Variants in CDC42BPA observed in about 807,000 individuals in gnomAD.
CDC42BPA encodes the protein serine/threonine-protein kinase MRCK alpha.
In CDC42BPA, 80 loss-of-function variants were observed where a neutral mutation model predicts 223.5. That is an observed-to-expected ratio of 0.36 (90% CI 0.30 to 0.43). CDC42BPA has a LOEUF of 0.43. Ranked by LOEUF, CDC42BPA falls within the 20% of genes least tolerant of loss-of-function variation. The pLI, the probability that CDC42BPA is intolerant of heterozygous loss-of-function variation, is 1.00. For synonymous variants in CDC42BPA, 694 were observed against 718.6 expected, an observed-to-expected ratio of 0.97 and a Z score of 0.55; for missense variants, 1,743 against 2,099.9, an observed-to-expected ratio of 0.83 and a Z score of 3.32.
intron 20 of CDC42BPA, among the ~76,000 whole-genome samples, chr1:227,070,436 T>G (rs1378644839): frequency 2.0e-5 from 3 of 151,800 alleles, no homozygotes; most frequent in Admixed American, 2.0e-4. Context: ...GGCATTAACT[T>G]TAAATGCACA....
At chr1:227,180,612 ATATCAGTTGG>A (rs1283910381) in intron 5 of CDC42BPA, 6 of 152,310 alleles carry the variant, frequency 3.9e-5, no homozygotes, top group African/African-American at 1.4e-4. Context: ...AGGACACACA[ATATCAGTTGG>A]TAACATTTTG....
chr1:227,153,455 CTT>C (rs1371089702), intron 6 of CDC42BPA, among the ~76,000 whole-genome samples: 1 of 151,720 alleles, frequency 6.6e-6, no homozygotes, highest in African/African-American at 2.4e-5. Flanking sequence ...AGAATTCTAA[CTT>C]AAGTTGGAAA....
chr1:226,994,113 AGTC>A lies in CDC42BPA; in HGVS notation c.*152_*154del. 1 of 603,404 alleles carries A rather than the reference AGTC, an allele frequency of 1.7e-6. No individual in the cohort carries two copies. The highest frequency in any genetic ancestry group is 2.9e-6 in the Non-Finnish European group (1 of 350,164). 37.4% of individuals were successfully genotyped at this position (603,404 alleles called of 1,614,324 possible). A position where few individuals can be genotyped will look rare whatever the true frequency, so the allele number is the denominator to read the frequency against. On this transcript the variant is annotated 3_prime_UTR_variant, in exon 37 of 37. Coordinates refer to ENST00000366766, the MANE Select transcript of CDC42BPA (RefSeq NM_001394014.1). The surrounding 1 kb of genome is among the most constrained non-coding windows in gnomAD (Gnocchi z 4.0). ...GTTAGGCTGGGGGCGTGGATCTGAG[AGTC>A]GTGTCGTCAGAACTCCTGAATCCCT...
chr1:227,270,562 AATTTT>A, intron 1 of CDC42BPA, among the ~76,000 whole-genome samples: 1 of 152,332 alleles, frequency 6.6e-6, no homozygotes, highest in Non-Finnish European at 1.5e-5. Flanking sequence ...GAGTTGTTTG[AATTTT>A]ATTTTGTGGA....
chr1:227,300,210 G>A (rs1691377510), intron 1 of CDC42BPA, among the ~76,000 whole-genome samples: 1 of 152,176 alleles, frequency 6.6e-6, no homozygotes, highest in Non-Finnish European at 1.5e-5. Flanking sequence ...CTTATAGACT[G>A]CTACTGGGAA....
intron 2 of CDC42BPA, among the ~76,000 whole-genome samples, chr1:227,238,610 A>G (rs1286764501): frequency 2.0e-5 from 3 of 152,188 alleles, no homozygotes; most frequent in Admixed American, 6.5e-5. Flanking sequence ...CCCACAGTCT[A>G]AACAGTCCAC....
chr1:227,058,081 A>C (rs973442862), intron 21 of CDC42BPA, among the ~76,000 whole-genome samples: 3 of 152,202 alleles, frequency 2.0e-5, no homozygotes, highest in African/African-American at 7.2e-5. Context: ...ATTCAGATTC[A>C]TTTGATAAAT....
At chr1:227,258,387 A>G (rs560877045) in intron 1 of CDC42BPA, among the ~76,000 whole-genome samples, 5 of 151,010 alleles carry the variant, frequency 3.3e-5, no homozygotes, top group Non-Finnish European at 5.9e-5. Context: ...CACTTCAGGT[A>G]AATTATACCT....
intron 15 of CDC42BPA, among the ~76,000 whole-genome samples, chr1:227,092,344 A>C (rs1276975646): frequency 6.6e-6 from 1 of 152,230 alleles, no homozygotes; most frequent in Non-Finnish European, 1.5e-5. Context: ...AATTTCAGAT[A>C]ATAAGTTCTA....
At chr1:227,039,941 T>C (rs1216588479) in intron 24 of CDC42BPA, among the ~76,000 whole-genome samples, 190 bp downstream of exon 24, 1 of 152,220 alleles carries the variant, frequency 6.6e-6, no homozygotes, top group South Asian at 2.1e-4. Flanking sequence ...CATATTTAAA[T>C]ATATTGCCCC....
chr1:227,278,541 C>G (rs1687499739), intron 1 of CDC42BPA, among the ~76,000 whole-genome samples: 1 of 152,156 alleles, frequency 6.6e-6, no homozygotes, highest in African/African-American at 2.4e-5. Flanking sequence ...CCTTTTGTTT[C>G]TTGCATGGGA....
chr1:227,011,027 C>T (rs574416647), intron 34 of CDC42BPA: 40 of 1,357,180 alleles, frequency 2.9e-5, no homozygotes, highest in South Asian at 2.7e-4. Flanking sequence ...GAGATCAGAC[C>T]GGAGTGATGA....
rs143820954 is a variant in CDC42BPA, at chr1:227,127,858, C to T, written c.1513+1251G>A. On this transcript the variant is annotated intron_variant, in intron 11 of 36. Transcript: ENST00000366766. Reference sequence around the variant, plus strand: ...TAAATAGTCATTTTTATAAAAGATGCTACATTAGATTATTTCTTCTCTTTC... The same window carrying T: ...TAAATAGTCATTTTTATAAAAGATGTTACATTAGATTATTTCTTCTCTTTC... Among the ~76,000 whole-genome samples, 916 of 152,148 alleles carry T rather than the reference C, an allele frequency of 6.0e-3. 10 individuals carry two copies. Among genetic ancestry groups the T allele is most frequent in the African/African-American group, 0.021 (857 of 41,486 alleles).
intron 13 of CDC42BPA, 32 bp from the exon 14 acceptor site, chr1:227,112,454 C>A (rs368009867): frequency 1.9e-5 from 28 of 1,462,116 alleles, no homozygotes; most frequent in African/African-American, 1.6e-4. Context: ...GCAGATTTCA[C>A]GGTTATAATT....
At chr1:227,315,316 A>C (rs1694191341) in intron 1 of CDC42BPA, among the ~76,000 whole-genome samples, 2 of 152,078 alleles carry the variant, frequency 1.3e-5, no homozygotes, top group African/African-American at 4.8e-5. Flanking sequence ...TATATAAATT[A>C]TTCTGATAAT....
intron 17 of CDC42BPA, among the ~76,000 whole-genome samples, chr1:227,080,014 G>A (rs1680303486): frequency 6.6e-6 from 1 of 151,906 alleles, no homozygotes; most frequent in Non-Finnish European, 1.5e-5. Context: ...AATTTCTTGT[G>A]TATGAAACAA....
At chr1:227,294,217 A>C (rs967076593) in intron 1 of CDC42BPA, among the ~76,000 whole-genome samples, 2 of 151,906 alleles carry the variant, frequency 1.3e-5, no homozygotes, top group African/African-American at 4.8e-5. Flanking sequence ...GCTTGCAGTG[A>C]GCTGAGATCG....
chr1:227,290,681 G>A (rs1323359587), intron 1 of CDC42BPA, among the ~76,000 whole-genome samples: 1 of 152,148 alleles, frequency 6.6e-6, no homozygotes, highest in Non-Finnish European at 1.5e-5. Context: ...TGGCATGGCT[G>A]AGAAAGGTAT....
At chr1:227,177,968 G>A (rs560799911) in intron 5 of CDC42BPA, among the ~76,000 whole-genome samples, 14 of 151,166 alleles carry the variant, frequency 9.3e-5, no homozygotes, top group Non-Finnish European at 1.2e-4. Flanking sequence ...GTATTTTTCC[G>A]TCCTAAAATT....
Sources: gnomAD v4.1 joint callset for allele counts (sites outside exome capture counted in the v4.1 genomes callset) on GRCh38, gnomAD v4.1.1 for gene constraint, Gnocchi (gnomAD v3.1) non-coding constraint, MANE v1.5 for transcripts, NCBI Gene and HGNC (gene_info 2026-07-23, HGNC 2026-07-21) for gene names.